Variants in RGS20 observed in about 807,000 individuals in gnomAD.
RGS20 encodes gz-selective GTPase-activating protein.
Under a neutral mutation model 33.6 loss-of-function variants are expected in RGS20, and 30 were observed. That is an observed-to-expected ratio of 0.89 (90% CI 0.67 to 1.21). The LOEUF (loss-of-function observed/expected upper bound fraction) is 1.21. Among genes scored for constraint, RGS20 ranks in the 50% most tolerant of loss-of-function variants. The probability of loss-of-function intolerance (pLI) is 0.00; values close to 1 mark genes in which losing one functional copy is unlikely to be tolerated. For synonymous variants in RGS20, 208 were observed against 197.9 expected (o/e 1.05, Z -0.43); for missense variants, 472 against 502.4 (o/e 0.94, Z 0.58).
rs760366220 is a variant in RGS20, at chr8:53,952,395, A to G, written c.744-1681A>G. Among the ~76,000 whole-genome samples, 106 of 151,200 alleles carry G rather than the reference A, an allele frequency of 7.0e-4. 1 individual carries two copies. The highest frequency in any genetic ancestry group is 1.8e-4 in the Non-Finnish European group (12 of 67,812). ...ATGTTGGGTGGAAAAAGCAAGTTGC[A>G]GAAGACAACATATAGTCAACCATTT... On this transcript the variant is annotated intron_variant, in intron 4 of 5. Coordinates refer to ENST00000297313, the MANE Select transcript of RGS20 (RefSeq NM_170587.4).
intron 1 of RGS20, among the ~76,000 whole-genome samples, chr8:53,868,740 T>C (rs1811982822): frequency 1.3e-5 from 2 of 152,020 alleles, no homozygotes; most frequent in East Asian, 1.9e-4. Flanking sequence ...TAAGAAAATA[T>C]AGCAGTTTGG....
Position 53,947,913 on chromosome 8 carries a change from G to T in RGS20, c.743+1165G>T, listed in dbSNP as rs189109859. ...ATATATATGCTATATATATGATATA[G>T]TATATATATTTACATATGCTATATA... On this transcript the variant is annotated intron_variant, in intron 4 of 5. Transcript: ENST00000297313. Among the ~76,000 whole-genome samples the T allele has an allele frequency of 8.9e-3, 1,196 of 133,820 alleles. 33 individuals carry two copies. The highest frequency in any genetic ancestry group is 0.031 in the African/African-American group (1,139 of 36,212). The allele number at this position is 133,820 out of a possible 152,430, so 87.8% of individuals were successfully genotyped here.
intron 2 of RGS20, among the ~76,000 whole-genome samples, chr8:53,908,368 G>C (rs1005100190): frequency 6.6e-6 from 1 of 152,094 alleles, no homozygotes; most frequent in Non-Finnish European, 1.5e-5. Context: ...TGCTGGGAGC[G>C]GTGATTCATG....
intron 2 of RGS20, among the ~76,000 whole-genome samples, chr8:53,918,508 C>G (rs1341031844): frequency 6.6e-6 from 1 of 152,036 alleles, no homozygotes; most frequent in Non-Finnish European, 1.5e-5. Context: ...CTTGCCTCAG[C>G]CTCTGAGTAG....
intron 1 of RGS20, among the ~76,000 whole-genome samples, chr8:53,854,739 G>A (rs1031153055): frequency 3.0e-4 from 45 of 152,144 alleles, no homozygotes; most frequent in African/African-American, 9.4e-4. Flanking sequence ...AGATACAACT[G>A]CCATATGGTC....
intron 1 of RGS20, among the ~76,000 whole-genome samples, chr8:53,863,489 T>C (rs537146030): frequency 1.5e-4 from 23 of 152,290 alleles, no homozygotes; most frequent in South Asian, 6.2e-4. Context: ...ATCCAAGCAC[T>C]GCAGCACTTC....
In RGS20 at chr8:53,926,849, G is replaced by T. The variant is rs539448677; in HGVS notation, c.511-12727G>T. Reference sequence around the variant, plus strand: ...AATCGCTTGAACCCAAGAGGCGGAGGTTACAGTGAGCCGAGATCACACCAC... The same window carrying T: ...AATCGCTTGAACCCAAGAGGCGGAGTTTACAGTGAGCCGAGATCACACCAC... On this transcript the variant is annotated intron_variant, in intron 2 of 5. Coordinates refer to ENST00000297313, the MANE Select transcript of RGS20 (RefSeq NM_170587.4). Among the ~76,000 whole-genome samples, 5 of 151,916 alleles carry T rather than the reference G, an allele frequency of 3.3e-5. No homozygotes were observed. The South Asian group carries it at 1.0e-3, about 32-fold the overall frequency.
intron 2 of RGS20, among the ~76,000 whole-genome samples, chr8:53,901,224 C>A (rs565393316): frequency 1.1e-4 from 16 of 152,088 alleles, no homozygotes; most frequent in Admixed American, 5.9e-4. Flanking sequence ...CCCGTCACCA[C>A]GCCCGGCTAA....
chr8:53,915,449 A>C (rs1001969982), intron 2 of RGS20, among the ~76,000 whole-genome samples: 2 of 151,838 alleles, frequency 1.3e-5, no homozygotes, highest in African/African-American at 4.8e-5. Context: ...CTCCTGCCTG[A>C]CCTCTTCAGC....
chr8:53,905,613 CAG>C (rs1813142990), intron 2 of RGS20, among the ~76,000 whole-genome samples: 1 of 152,142 alleles, frequency 6.6e-6, no homozygotes. Flanking sequence ...CTAATAGTAA[CAG>C]GGCCTGTTTG....
intron 1 of RGS20, among the ~76,000 whole-genome samples, chr8:53,861,780 A>G (rs1178567670): frequency 6.6e-6 from 1 of 152,266 alleles, no homozygotes; most frequent in African/African-American, 2.4e-5. Flanking sequence ...ATGATCAGCA[A>G]ATAAAATCCA....
At chr8:53,930,052 A>G (rs558930296) in intron 2 of RGS20, among the ~76,000 whole-genome samples, 1 of 152,290 alleles carries the variant, frequency 6.6e-6, no homozygotes, top group South Asian at 2.1e-4. Context: ...GCCTAGTACT[A>G]TTGCTACTTC....
At chr8:53,936,373 C>G (rs551078761) in intron 2 of RGS20, among the ~76,000 whole-genome samples, 8 of 152,278 alleles carry the variant, frequency 5.3e-5, no homozygotes, top group African/African-American at 1.7e-4. Context: ...CCAAAATCTC[C>G]TTAAGCTGAT....
chr8:53,935,587 A>G (rs772591645), intron 2 of RGS20, among the ~76,000 whole-genome samples: 2 of 152,168 alleles, frequency 1.3e-5, no homozygotes, highest in Non-Finnish European at 2.9e-5. Flanking sequence ...GAACAATAAC[A>G]AGTTCTAAAA....
At chr8:53,923,685 G>A (rs1407158660) in intron 2 of RGS20, among the ~76,000 whole-genome samples, 1 of 152,098 alleles carries the variant, frequency 6.6e-6, no homozygotes, top group Admixed American at 6.6e-5. Flanking sequence ...GAGGGTCTAC[G>A]TCCCTCACGT....
intron 1 of RGS20, among the ~76,000 whole-genome samples, chr8:53,860,692 G>A (rs112775130): frequency 0.02 from 3,073 of 152,286 alleles, 100 homozygotes; most frequent in African/African-American, 0.07. Flanking sequence ...CCTGCTGAGC[G>A]CAGTGGGTCA....
chr8:53,879,541 C>T lies in RGS20; in HGVS notation c.449C>T (p.Pro150Leu), dbSNP rs1812297040. The change falls in exon 2 of 6, where the codon CCC (proline) becomes CTC (leucine). Residue 150 changes from proline to leucine, a missense_variant. Around this residue, in one of 3 missense-constraint regions of RGS20, gnomAD observed 319 missense variants for 283.4 expected, o/e 1.13. Coordinates refer to ENST00000297313, the MANE Select transcript of RGS20 (RefSeq NM_170587.4). ...TCGGGGGGTCGTCCGCTGAGGCCCC[C>T]CCATCCGGTAGCCAAGCCCAGGGAA... The T allele has an allele frequency of 3.2e-6, 5 of 1,542,756 alleles. No homozygotes were observed. Among genetic ancestry groups the T allele is most frequent in the Non-Finnish European group, 4.4e-6 (5 of 1,144,888 alleles).
At chr8:53,879,622 C>A in intron 2 of RGS20, 1 of 1,447,706 alleles carries the variant, frequency 6.9e-7, no homozygotes, top group East Asian at 2.6e-5. Context: ...GTGGTCTCCA[C>A]TACGCCCCAC....
chr8:53,873,948 C>T (rs1206673724), intron 1 of RGS20, among the ~76,000 whole-genome samples: 1 of 152,104 alleles, frequency 6.6e-6, no homozygotes, highest in Non-Finnish European at 1.5e-5. Context: ...CCTGTAATCC[C>T]AGCCCTTTAG....
Sources: allele counts gnomAD v4.1 joint callset (sites outside exome capture counted in the v4.1 genomes callset), GRCh38; gene constraint gnomAD v4.1.1; regional missense constraint gnomAD v4.1.1; transcripts MANE v1.5; gene names NCBI Gene and HGNC (gene_info 2026-07-23, HGNC 2026-07-21).